The following TBCE variants were observed in gnomAD, a reference collection of about 807,000 sequenced individuals.
TBCE encodes tubulin folding cofactor E.
TBCE carries 53 observed loss-of-function variants against 77.0 expected under a neutral mutation model. That is an observed-to-expected ratio of 0.69 (90% confidence interval 0.55 to 0.87). The LOEUF is 0.87. Ranked by LOEUF, TBCE falls within the 40% of genes least tolerant of loss-of-function variation. The pLI is 0.00. For missense variants in TBCE, 624 were observed against 622.4 expected (o/e 1.00, Z -0.03); for synonymous variants, 235 against 241.3 (o/e 0.97, Z 0.24).
intron 2 of TBCE, among the ~76,000 whole-genome samples, chr1:235,384,670 T>A (rs1295607892): frequency 3.3e-5 from 5 of 152,078 alleles, no homozygotes; most frequent in Non-Finnish European, 2.9e-5. Flanking sequence ...ATATCCCCTT[T>A]ATCATTTTTT....
chr1:235,381,773 ATTTTTCTTT>A (rs1398937894), intron 2 of TBCE, among the ~76,000 whole-genome samples: 94 of 146,092 alleles, frequency 6.4e-4, no homozygotes, highest in African/African-American at 2.0e-3. Flanking sequence ...AAGAATAATT[ATTTTTCTTT>A]TTTTTCTTTT....
chr1:235,372,331 T>C (rs1166667727), intron 1 of TBCE, among the ~76,000 whole-genome samples: 1 of 152,202 alleles, frequency 6.6e-6, no homozygotes, highest in Non-Finnish European at 1.5e-5. Flanking sequence ...GTGTTGGGAT[T>C]ACAGGCGTGA....
In TBCE at chr1:235,394,170, G is replaced by C. The variant is rs369995093; in HGVS notation, c.101-7333G>C. On this transcript the variant is annotated intron_variant, in intron 2 of 16. Transcript: ENST00000642610. Reference sequence around the variant, plus strand: ...GCTCATTGCAAGCTCTGCCCGCTGGGTTCACGCCATTCTCCTGCCTCAGCC... The same window carrying C: ...GCTCATTGCAAGCTCTGCCCGCTGGCTTCACGCCATTCTCCTGCCTCAGCC... Among the ~76,000 whole-genome samples, 5 of 152,200 alleles carry C rather than the reference G, an allele frequency of 3.3e-5. No individual in the cohort carries two copies. The East Asian group carries it at 7.7e-4, about 24-fold the overall frequency.
intron 5 of TBCE, among the ~76,000 whole-genome samples, chr1:235,421,084 C>T (rs1680373647): frequency 6.6e-6 from 1 of 151,990 alleles, no homozygotes; most frequent in African/African-American, 2.4e-5. Flanking sequence ...TCTTTTTTGC[C>T]TGTAAGCAAA....
chr1:235,442,201 G>C (rs1427280474), intron 14 of TBCE, among the ~76,000 whole-genome samples: 1 of 151,588 alleles, frequency 6.6e-6, no homozygotes, highest in Non-Finnish European at 1.5e-5. Context: ...ACGGAGTTTT[G>C]CTCTTGTTGC....
At chr1:235,409,104 T>C (rs1195864832) in intron 3 of TBCE, among the ~76,000 whole-genome samples, 1 of 151,862 alleles carries the variant, frequency 6.6e-6, no homozygotes, top group Admixed American at 6.6e-5. Context: ...CAAGCTTAAC[T>C]GAGCATCTTC....
chr1:235,397,200 C>CT lies in TBCE; in HGVS notation c.101-4284dup, dbSNP rs34523932. On this transcript the variant is annotated intron_variant, in intron 2 of 16. Coordinates refer to ENST00000642610, the MANE Select transcript of TBCE (RefSeq NM_003193.5). ...ACGTTGGCCAGGATGGTCTCAATCT[C>CT]TTTTTTTTTTTTTTTTTTTGAGACG... is the stretch of plus-strand genomic sequence containing the variant. Among the ~76,000 whole-genome samples, 159 of 100,740 alleles carry CT rather than the reference C, an allele frequency of 1.6e-3. 2 individuals are homozygous for CT. The highest frequency in any genetic ancestry group is 5.6e-3 in the South Asian group (19 of 3,392). The allele number at this position is 100,740 out of a possible 152,430, so 66.1% of individuals were successfully genotyped here.
chr1:235,413,754 T>C (rs528351678), intron 3 of TBCE: 1 of 106,706 alleles, frequency 9.4e-6, no homozygotes, highest in East Asian at 2.0e-4. Context: ...TGTTTCTTCT[T>C]TTTTTTTAAG....
intron 8 of TBCE, 62 bp downstream of exon 8, chr1:235,434,342 G>GA: frequency 1.4e-6 from 2 of 1,413,612 alleles, no homozygotes; most frequent in Non-Finnish European, 2.0e-6. Context: ...GTAAATAAAT[G>GA]GTCTCAATTA....
Position 235,373,579 on chromosome 1 carries a change from G to A in TBCE, c.-32+6075G>A, listed in dbSNP as rs183169624. ...GTGCCTCAGTCTCCCAAGTAGGTGG[G>A]ATTACAGGCACTCACCACCATGCCC... On this transcript the variant is annotated intron_variant, in intron 1 of 16. Transcript: ENST00000642610. Among the ~76,000 whole-genome samples the A allele has an allele frequency of 1.4e-3, 216 of 151,994 alleles. 3 individuals carry two copies. The highest frequency in any genetic ancestry group is 5.0e-3 in the African/African-American group (208 of 41,494).
Position 235,371,977 on chromosome 1 carries a change from T to C in TBCE, c.-32+4473T>C, listed in dbSNP as rs1676993797. 2.6e-5 allele frequency among the ~76,000 whole-genome samples: 4 copies of C among 151,392 alleles called. No homozygotes were observed. In the South Asian group the frequency reaches 8.3e-4, roughly 32 times the overall value. ...GCATGAGCCACTGTGCCTGCCCTTT[T>C]TTTCATTTTTTCATTTTTTTGTACA... is the stretch of plus-strand genomic sequence containing the variant. On this transcript the variant is annotated intron_variant, in intron 1 of 16. Transcript: ENST00000642610.
intron 1 of TBCE, among the ~76,000 whole-genome samples, chr1:235,378,868 G>GA (rs1260736259): frequency 6.6e-6 from 1 of 151,524 alleles, no homozygotes; most frequent in South Asian, 2.1e-4. Flanking sequence ...CTCAAGAAAA[G>GA]AAAAAAAGAA....
intron 1 of TBCE, among the ~76,000 whole-genome samples, chr1:235,377,427 C>G (rs1210350098): frequency 1.3e-5 from 2 of 152,194 alleles, no homozygotes; most frequent in Non-Finnish European, 2.9e-5. Context: ...GATCTGCCTG[C>G]CTTGGCCTCC....
At chr1:235,373,007 ACT>A (rs1311685581) in intron 1 of TBCE, among the ~76,000 whole-genome samples, 1 of 151,388 alleles carries the variant, frequency 6.6e-6, no homozygotes, top group Non-Finnish European at 1.5e-5. Context: ...TAATGTGTTG[ACT>A]CTGTGGCTGT....
chr1:235,445,627 C>G (rs1028602290), intron 15 of TBCE, among the ~76,000 whole-genome samples: 2 of 151,910 alleles, frequency 1.3e-5, no homozygotes, highest in Non-Finnish European at 2.9e-5. Flanking sequence ...CAGAGTGAGG[C>G]CCTGTCTAAA....
At chr1:235,406,460 A>G (rs1256421968) in intron 3 of TBCE, among the ~76,000 whole-genome samples, 2 of 152,262 alleles carry the variant, frequency 1.3e-5, no homozygotes, top group Non-Finnish European at 2.9e-5. Flanking sequence ...CAAGAATTGC[A>G]GTTCAGGGCA....
At chr1:235,402,009 C>T (rs926908338) in intron 3 of TBCE, among the ~76,000 whole-genome samples, 3 of 151,364 alleles carry the variant, frequency 2.0e-5, no homozygotes, top group Non-Finnish European at 2.9e-5. Context: ...GTTGAGCCAC[C>T]ATTAAATAAA....
chr1:235,413,074 A>T (rs1436245667), intron 3 of TBCE, among the ~76,000 whole-genome samples: 1 of 152,176 alleles, frequency 6.6e-6, no homozygotes, highest in Non-Finnish European at 1.5e-5. Context: ...AAGTGCTGGG[A>T]TTATAGGCAT....
At chr1:235,407,613 T>G (rs1204721896) in intron 3 of TBCE, among the ~76,000 whole-genome samples, 1 of 152,186 alleles carries the variant, frequency 6.6e-6, no homozygotes, top group Non-Finnish European at 1.5e-5. Flanking sequence ...AACTGAATTC[T>G]TGGAGCAGGT....
Sources: gnomAD v4.1 joint callset for allele counts (sites outside exome capture counted in the v4.1 genomes callset) on GRCh38, gnomAD v4.1.1 for gene constraint, MANE v1.5 for transcripts, NCBI Gene and HGNC (gene_info 2026-07-23, HGNC 2026-07-21) for gene names.